ALG8: variants seen among roughly 807,000 people sequenced by gnomAD.
ALG8 encodes the protein dolichyl pyrophosphate Glc1Man9GlcNAc2 alpha-1,3-glucosyltransferase.
Under a neutral mutation model 70.2 loss-of-function variants are expected in ALG8, and 48 were observed. The ratio of observed to expected loss-of-function variants is 0.68; its 90% confidence interval spans 0.54 to 0.87. The LOEUF is 0.87. ALG8 is among the 40% of genes least tolerant of loss of function. ALG8 has a pLI of 0.00. For missense variants in ALG8, 572 were observed against 608.7 expected (o/e 0.94, Z 0.64); for synonymous variants, 234 against 229.0 (o/e 1.02, Z -0.20).
chr11:78,120,010 G>A (rs112465605), intron 4 of ALG8, among the ~76,000 whole-genome samples: 10,577 of 152,018 alleles, frequency 0.07, 1,230 homozygotes, highest in African/African-American at 0.24. Flanking sequence ...GCTGAAGCAT[G>A]AGAATCACCT....
intron 5 of ALG8, 111 bp from the exon 6 acceptor site, chr11:78,114,503 C>T (rs1860467020): frequency 1.1e-5 from 14 of 1,309,882 alleles, no homozygotes; most frequent in African/African-American, 4.4e-5. Flanking sequence ...AAAGGAAAAA[C>T]GGGTGAAATT....
intron 1 of ALG8, chr11:78,139,148 C>A (rs1427796043): frequency 1.0e-5 from 4 of 383,354 alleles, no homozygotes; most frequent in African/African-American, 2.1e-5. Flanking sequence ...CTCACCACCG[C>A]ATCTCCCGGG....
In ALG8 at chr11:78,119,212, T is replaced by C. The variant is rs1325093867; in HGVS notation, c.516A>G (p.Leu172=). The change falls in exon 5 of 13, where the codon TTA becomes TTG. Residue 172 remains leucine (L), a synonymous_variant. Transcript: ENST00000299626. ...ATAATCGTGCAATGGAGAGTAGCATTAATCCAAATAAAAAGCCATTGTACT... is the reference window on the plus strand; with the variant it reads ...ATAATCGTGCAATGGAGAGTAGCATCAATCCAAATAAAAAGCCATTGTACT... ...HFQYNGFLFG[L]MLLSIARLFQ... is the part of the protein sequence containing the mutation. 6.2e-7 allele frequency: 1 copy of C among 1,612,004 alleles called. No homozygotes were observed. Among genetic ancestry groups the C allele is most frequent in the Non-Finnish European group, 8.5e-7 (1 of 1,178,336 alleles).
chr11:78,112,644 C>G lies in ALG8; in HGVS notation c.898+6G>C, dbSNP rs1402062655. 1.9e-6 allele frequency: 3 copies of G among 1,613,574 alleles called. No homozygotes were observed. The highest frequency in any genetic ancestry group is 2.5e-6 in the Non-Finnish European group (3 of 1,179,646). On this transcript the variant is annotated splice_donor_region_variant and intron_variant, in intron 8 of 12. Coordinates refer to ENST00000299626, the MANE Select transcript of ALG8 (RefSeq NM_024079.5). Reference sequence around the variant, plus strand: ...GAGTCTGAGTAAAAAATGCTCGCTACCATACCGATGACAGACAGCACTTTG... The same window carrying G: ...GAGTCTGAGTAAAAAATGCTCGCTAGCATACCGATGACAGACAGCACTTTG...
rs112352866 is a variant in ALG8, at chr11:78,106,385, G to C, written c.1178+422C>G. On this transcript the variant is annotated intron_variant, in intron 10 of 12. Transcript: ENST00000299626. The stretch of plus-strand genomic sequence containing the variant: ...GCTAATTTTTTGTATTTTTAGTAGA[G>C]ATGGGGTTTCACCATGTTAGCCAGG... Among the ~76,000 whole-genome samples, 1,045 of 152,222 alleles carry C rather than the reference G, an allele frequency of 6.9e-3. 7 individuals are homozygous for C. The highest frequency in any genetic ancestry group is 0.024 in the African/African-American group (1,006 of 41,540).
chr11:78,120,726 T>C (rs1274543438), intron 4 of ALG8, among the ~76,000 whole-genome samples: 1 of 152,236 alleles, frequency 6.6e-6, no homozygotes, highest in African/African-American at 2.4e-5. Context: ...CACTGTGATA[T>C]GCCTTTTCCA....
At chr11:78,117,954 C>G (rs1860651792) in intron 5 of ALG8, among the ~76,000 whole-genome samples, 1 of 151,504 alleles carries the variant, frequency 6.6e-6, no homozygotes, top group Non-Finnish European at 1.5e-5. Context: ...GCCTGTAGTC[C>G]CAGCTACTCG....
At chr11:78,129,623 T>C (rs1861221795) in intron 1 of ALG8, among the ~76,000 whole-genome samples, 1 of 152,218 alleles carries the variant, frequency 6.6e-6, no homozygotes, top group Admixed American at 6.5e-5. Context: ...ATTTTCATAA[T>C]AATATTCAGA....
rs1460841689 is a variant in ALG8, at chr11:78,124,215, C to T, written c.175-1G>A. 1.2e-6 allele frequency: 2 copies of T among 1,613,894 alleles called. No individual in the cohort carries two copies. The highest frequency in any genetic ancestry group is 1.7e-6 in the Non-Finnish European group (2 of 1,179,868). On this transcript the variant is annotated splice_acceptor_variant, in intron 2 of 12. Coordinates refer to ENST00000299626, the MANE Select transcript of ALG8 (RefSeq NM_024079.5). LOFTEE classifies it high-confidence loss of function. ...AATCCAACGTCCACTCTGAAGTTGC[C>T]TGTGATAAAAATAGAAGATCAGACA...
intron 6 of ALG8, 77 bp downstream of exon 6, chr11:78,114,189 T>C: frequency 6.3e-7 from 1 of 1,591,354 alleles, no homozygotes; most frequent in East Asian, 2.3e-5. Context: ...CATAAAACCT[T>C]CTTATCAAGC....
Position 78,121,049 on chromosome 11 carries a change from A to T in ALG8, c.478+16T>A. The T allele has an allele frequency of 1.9e-6, 3 of 1,573,228 alleles. No individual in the cohort carries two copies. The highest frequency in any genetic ancestry group is 1.7e-6 in the Non-Finnish European group (2 of 1,143,132). On this transcript the variant is annotated intron_variant, in intron 4 of 12. Transcript: ENST00000299626. Reference sequence around the variant, plus strand: ...CAGAATTAGTAAGGGAATAGTACATAGAATATCAAGGATACGGTCCACAAT... The same window carrying T: ...CAGAATTAGTAAGGGAATAGTACATTGAATATCAAGGATACGGTCCACAAT...
chr11:78,120,984 T>G (rs1860797368), intron 4 of ALG8, 81 bp downstream of exon 4: 1 of 1,310,258 alleles, frequency 7.6e-7, no homozygotes, highest in Non-Finnish European at 1.1e-6. Flanking sequence ...ACATCTCCAA[T>G]CATTATTATA....
chr11:78,114,809 A>G (rs1338805968), intron 5 of ALG8: 4 of 359,316 alleles, frequency 1.1e-5, no homozygotes, highest in Non-Finnish European at 1.6e-5. Flanking sequence ...CTACAAAAAA[A>G]TAAAAAATAA....
At chr11:78,120,362 T>C (rs995550670) in intron 4 of ALG8, among the ~76,000 whole-genome samples, 2 of 152,162 alleles carry the variant, frequency 1.3e-5, no homozygotes, top group Non-Finnish European at 2.9e-5. Context: ...ATTGCATTGT[T>C]TATAGGACAT....
intron 7 of ALG8, among the ~76,000 whole-genome samples, chr11:78,113,230 T>C (rs188787322): frequency 6.3e-4 from 96 of 152,384 alleles, no homozygotes; most frequent in Non-Finnish European, 1.1e-3. Flanking sequence ...GAATGTCTGC[T>C]GTCCATGTAA....
rs579088 is a variant in ALG8 at position 78,127,699 on chromosome 11, C to T, written c.96-263G>A. Among the ~76,000 whole-genome samples the T allele has an allele frequency of 0.86, 128,546 of 150,164 alleles. 55,358 individuals are homozygous for T. Among genetic ancestry groups the T allele is most frequent in the African/African-American group, 0.93 (37,497 of 40,506 alleles). On this transcript the variant is annotated intron_variant, in intron 1 of 12. Coordinates refer to ENST00000299626, the MANE Select transcript of ALG8 (RefSeq NM_024079.5). ...AGGGCTGACAAGAAGCCCAGACTTT[C>T]TCTTTTTCTTTTCTTTTTTTTTTTT...
intron 5 of ALG8, among the ~76,000 whole-genome samples, chr11:78,118,008 T>C (rs1438476973): frequency 7.2e-6 from 1 of 138,916 alleles, no homozygotes; most frequent in African/African-American, 2.7e-5. Flanking sequence ...GAGAAGGAGC[T>C]TGCAGTGAGC....
chr11:78,115,142 C>G (rs556446065), intron 5 of ALG8, among the ~76,000 whole-genome samples: 1 of 152,342 alleles, frequency 6.6e-6, no homozygotes, highest in East Asian at 1.9e-4. Context: ...AAGCAATTCT[C>G]CTGTCTCAGC....
rs151266773 is a variant in ALG8 at position 78,121,117 on chromosome 11, T to C, written c.426A>G (p.Lys142=). The C allele has an allele frequency of 1.2e-6, 2 of 1,613,958 alleles. No individual in the cohort carries two copies. The highest frequency in any genetic ancestry group is 1.3e-5 in the African/African-American group (1 of 75,050). ...ACAGAAGTAATACCGACAGAATAAA[T>C]TTTGGCTTTTCTGTAAGTTCTTTAC... ...KVGKELTEKP[K]FILSVLLLWN... The change falls in exon 4 of 13, where the codon AAA becomes AAG. Residue 142 remains lysine, a synonymous_variant. Coordinates refer to ENST00000299626, the MANE Select transcript of ALG8 (RefSeq NM_024079.5).
Sources: gnomAD v4.1 joint callset for allele counts (sites outside exome capture counted in the v4.1 genomes callset) on GRCh38, gnomAD v4.1.1 for gene constraint, MANE v1.5 for transcripts, NCBI Gene and HGNC (gene_info 2026-07-23, HGNC 2026-07-21) for gene names.